The following AP3B1 variants were observed in gnomAD, a reference collection of about 807,000 sequenced individuals.
AP3B1 encodes the protein adaptor related protein complex 3 subunit beta 1.
Under a neutral mutation model 132.5 loss-of-function variants are expected in AP3B1, and 61 were observed. That is an observed-to-expected ratio of 0.46 (90% confidence interval 0.37 to 0.57). The LOEUF (loss-of-function observed/expected upper bound fraction) is 0.57. AP3B1 is among the 20% of genes least tolerant of loss of function. The pLI, the probability that AP3B1 is intolerant of heterozygous loss-of-function variation, is 0.00. For missense variants in AP3B1, 1,120 were observed against 1,289.4 expected, an observed-to-expected ratio of 0.87 and a Z score of 2.01; for synonymous variants, 388 against 438.3, an observed-to-expected ratio of 0.89 and a Z score of 1.43.
chr5:78,198,395 G>C (rs1745155261), intron 7 of AP3B1, among the ~76,000 whole-genome samples: 1 of 152,112 alleles, frequency 6.6e-6, no homozygotes, highest in African/African-American at 2.4e-5. Context: ...CAGTTCTCGG[G>C]GCTGAAAAGT....
At chr5:78,232,423 C>T (rs976537494) in intron 3 of AP3B1, among the ~76,000 whole-genome samples, 9 of 152,110 alleles carry the variant, frequency 5.9e-5, no homozygotes, top group African/African-American at 2.2e-4. Context: ...GAGTGCCAAT[C>T]AATCAAGAGC....
chr5:78,263,801 C>A (rs965477353), intron 2 of AP3B1, among the ~76,000 whole-genome samples: 1 of 152,088 alleles, frequency 6.6e-6, no homozygotes, highest in Non-Finnish European at 1.5e-5. Flanking sequence ...ATTACAATGA[C>A]TGAATTTTGT....
intron 12 of AP3B1, among the ~76,000 whole-genome samples, chr5:78,163,964 T>A (rs1482165429): frequency 6.6e-6 from 1 of 151,928 alleles, no homozygotes; most frequent in African/African-American, 2.4e-5. Context: ...TACATTTAAG[T>A]GGTGTCTAAA....
At chr5:78,042,361 G>A (rs1748128547) in intron 22 of AP3B1, 1 of 152,230 alleles carries the variant, frequency 6.6e-6, no homozygotes, top group African/African-American at 2.4e-5. Flanking sequence ...TCTTGCCTCA[G>A]GTAGCTTGGA....
rs1206901129 is a variant in AP3B1, at chr5:78,039,288, C to T, written c.2578-14G>A. The T allele has an allele frequency of 1.3e-6, 2 of 1,585,858 alleles. No individual in the cohort carries two copies. The highest frequency in any genetic ancestry group is 2.7e-5 in the African/African-American group (2 of 73,522). The stretch of plus-strand genomic sequence containing the variant: ...AGGAGTACTGACCTATTACACACGG[C>T]AAAAAGAAAAAAAGATGAGTTAGTG... On this transcript the variant is annotated splice_polypyrimidine_tract_variant and intron_variant, in intron 22 of 26. Coordinates refer to ENST00000255194, the MANE Select transcript of AP3B1 (RefSeq NM_003664.5).
intron 15 of AP3B1, among the ~76,000 whole-genome samples, chr5:78,131,076 T>C (rs1752666997): frequency 6.6e-6 from 1 of 151,840 alleles, no homozygotes; most frequent in Non-Finnish European, 1.5e-5. Flanking sequence ...AAAATGTATT[T>C]TCAAAAATAA....
At chr5:78,222,699 C>T (rs951103168) in intron 6 of AP3B1, among the ~76,000 whole-genome samples, 1 of 151,278 alleles carries the variant, frequency 6.6e-6, no homozygotes, top group Non-Finnish European at 1.5e-5. Context: ...AGTAAAAAAG[C>T]AGAATATAAA....
intron 17 of AP3B1, among the ~76,000 whole-genome samples, chr5:78,125,023 T>C (rs1369330256): frequency 6.6e-6 from 1 of 152,012 alleles, no homozygotes; most frequent in Non-Finnish European, 1.5e-5. Context: ...CACATTATCA[T>C]TGTAAGGAAA....
At chr5:78,261,283 C>T (rs1748079795) in intron 2 of AP3B1, among the ~76,000 whole-genome samples, 1 of 152,150 alleles carries the variant, frequency 6.6e-6, no homozygotes. Flanking sequence ...ATTTTGTTTT[C>T]TTGATAATAA....
intron 5 of AP3B1, 44 bp downstream of exon 5, chr5:78,227,328 T>G (rs756131904): frequency 1.3e-6 from 2 of 1,585,990 alleles, no homozygotes; most frequent in African/African-American, 2.7e-5. Flanking sequence ...TAACATTCCA[T>G]GTAACATCAG....
chr5:78,144,462 A>C (rs1166877371), intron 14 of AP3B1, among the ~76,000 whole-genome samples: 3 of 152,230 alleles, frequency 2.0e-5, no homozygotes, highest in Non-Finnish European at 4.4e-5. Flanking sequence ...TGCACAGTGC[A>C]ACAGTCCAAA....
At chr5:78,020,822 T>G in intron 24 of AP3B1, 33 bp from the exon 25 acceptor site, 3 of 1,513,284 alleles carry the variant, frequency 2.0e-6, no homozygotes, top group Non-Finnish European at 1.8e-6. Flanking sequence ...GACTAAATGC[T>G]TCATAAATAA....
At chr5:78,228,738 G>C (rs1480423708) in intron 3 of AP3B1, among the ~76,000 whole-genome samples, 1 of 152,068 alleles carries the variant, frequency 6.6e-6, no homozygotes, top group Non-Finnish European at 1.5e-5. Context: ...CTAACTATAT[G>C]TTATGGGAAC....
chr5:78,186,833 A>G (rs1381025229), intron 7 of AP3B1, among the ~76,000 whole-genome samples: 3 of 152,208 alleles, frequency 2.0e-5, no homozygotes, highest in Non-Finnish European at 2.9e-5. Context: ...ATTTTACACA[A>G]TCTTTCCTTA....
intron 22 of AP3B1, among the ~76,000 whole-genome samples, chr5:78,084,366 A>G (rs1167054148): frequency 6.6e-6 from 1 of 151,850 alleles, no homozygotes; most frequent in Non-Finnish European, 1.5e-5. Flanking sequence ...TCTACCAACA[A>G]AAATATAAAA....
At chr5:78,040,835 C>T (rs923702910) in intron 22 of AP3B1, among the ~76,000 whole-genome samples, 1 of 151,986 alleles carries the variant, frequency 6.6e-6, no homozygotes, top group Non-Finnish European at 1.5e-5. Flanking sequence ...ACAAACGTAG[C>T]AATTATAGTA....
intron 7 of AP3B1, among the ~76,000 whole-genome samples, chr5:78,208,619 T>C (rs565061884): frequency 1.3e-5 from 2 of 152,290 alleles, no homozygotes; most frequent in African/African-American, 2.4e-5. Context: ...TTATTTTTCA[T>C]TAGGCATATA....
chr5:78,241,023 T>TTTTG, intron 2 of AP3B1, 87 bp from the exon 3 acceptor site: 1 of 928,982 alleles, frequency 1.1e-6, no homozygotes, highest in Non-Finnish European at 1.7e-6. Flanking sequence ...GCTACGTAAT[T>TTTTG]AACCGCTGAA....
At chr5:78,146,315 T>C (rs994579909) in intron 14 of AP3B1, among the ~76,000 whole-genome samples, 3 of 152,194 alleles carry the variant, frequency 2.0e-5, no homozygotes, top group Non-Finnish European at 2.9e-5. Context: ...GTTGACCATT[T>C]TGAGGGTTCT....
Sources: allele counts gnomAD v4.1 joint callset (sites outside exome capture counted in the v4.1 genomes callset), GRCh38; gene constraint gnomAD v4.1.1; transcripts MANE v1.5; gene names NCBI Gene and HGNC (gene_info 2026-07-23, HGNC 2026-07-21).